The following EXTL3 variants were observed in gnomAD, a reference collection of about 807,000 sequenced individuals.
EXTL3 encodes the protein exostosin-like 3.
A neutral mutation model predicts 69.3 loss-of-function variants in EXTL3; 27 were observed. The ratio of observed to expected loss-of-function variants is 0.39; its 90% CI spans 0.29 to 0.54. The LOEUF is 0.54. Ranked by LOEUF, EXTL3 falls within the 20% of genes least tolerant of loss-of-function variation. The pLI is 0.69. For missense variants in EXTL3, 1,003 were observed against 1,231.8 expected (o/e 0.81, Z 2.78); for synonymous variants, 511 against 499.4 (o/e 1.02, Z -0.31).
At chr8:28,630,159 G>A (rs997322174) in intron 1 of EXTL3, among the ~76,000 whole-genome samples, 4 of 152,090 alleles carry the variant, frequency 2.6e-5, no homozygotes, top group Non-Finnish European at 5.9e-5. Flanking sequence ...TTGATACATG[G>A]GGGCAGGTTT....
chr8:28,698,616 G>A (rs529480646), upstream of EXTL3: 45 of 152,438 alleles, frequency 3.0e-4, no homozygotes, highest in African/African-American at 1.1e-3. Flanking sequence ...GGGAGGCCAA[G>A]ACAGGCTGAT....
intron 1 of EXTL3, among the ~76,000 whole-genome samples, chr8:28,694,889 T>C (rs1209890602): frequency 6.6e-6 from 1 of 152,056 alleles, no homozygotes; most frequent in East Asian, 1.9e-4. Context: ...GGCACATGCC[T>C]GTAATCCAGC....
At chr8:28,657,363 C>T (rs976022426) in intron 1 of EXTL3, among the ~76,000 whole-genome samples, 4 of 152,196 alleles carry the variant, frequency 2.6e-5, no homozygotes, top group Admixed American at 1.3e-4. Flanking sequence ...CACTGAGTAA[C>T]GCAGTCATCT....
At chr8:28,659,209 A>G (rs915456112) in intron 1 of EXTL3, among the ~76,000 whole-genome samples, 2 of 149,676 alleles carry the variant, frequency 1.3e-5, no homozygotes, top group African/African-American at 4.9e-5. Context: ...GGATTATTAC[A>G]TACTTCTTAT....
In EXTL3 at chr8:28,715,863, C is replaced by G. The variant is rs963762290; in HGVS notation, c.-197C>G. ...TTGGTCAACAGCCAGAACTTAAAAT[C>G]TGCTGGAATAGGGTCAGAGACCATT... On this transcript the variant is annotated 5_prime_UTR_variant, in exon 3 of 7. The change creates a new upstream start codon in the 5' untranslated region. Transcript: ENST00000220562. 1 of 587,584 alleles carries G rather than the reference C, an allele frequency of 1.7e-6. No homozygotes were observed. Among genetic ancestry groups the G allele is most frequent in the African/African-American group, 1.9e-5 (1 of 53,682 alleles). The allele number at this position is 587,584 out of a possible 1,614,324, so 36.4% of individuals were successfully genotyped here. A position where few individuals can be genotyped will look rare whatever the true frequency, so the allele number is the denominator to read the frequency against.
chr8:28,670,791 C>A (rs1807273806), intron 1 of EXTL3, among the ~76,000 whole-genome samples: 1 of 152,148 alleles, frequency 6.6e-6, no homozygotes, highest in Non-Finnish European at 1.5e-5. Context: ...TAACGTCTGA[C>A]CCAATGTTTG....
intron 1 of EXTL3, among the ~76,000 whole-genome samples, chr8:28,659,379 A>G (rs536568588): frequency 6.6e-6 from 1 of 152,304 alleles, no homozygotes; most frequent in South Asian, 2.1e-4. Context: ...GAGCATAAGA[A>G]CTACTACTGC....
At chr8:28,718,622 A>C in intron 3 of EXTL3, among the ~76,000 whole-genome samples, 1 of 152,202 alleles carries the variant, frequency 6.6e-6, no homozygotes, top group East Asian at 1.9e-4. Flanking sequence ...ATGGGAGCTG[A>C]AGCTTAGGTT....
rs997984760 is a variant in EXTL3, at chr8:28,716,586, G to T, written c.527G>T (p.Gly176Val). The change falls in exon 3 of 7, where the codon GGC becomes GTC. Residue 176 changes from glycine to valine, a missense_variant. By Grantham distance (109) the Gly-to-Val change is moderately radical (BLOSUM62 -3). Around this residue, in one of 2 missense-constraint regions of EXTL3, gnomAD observed 742 missense variants for 815.4 expected, o/e 0.91. Transcript: ENST00000220562. This position sits in a 1 kb window ranked among gnomAD's most constrained non-coding sequence, Gnocchi z 7.1. Reference protein sequence around the residue: ...AGLPPPKATRGCRLHNCFDYS... With the variant: ...AGLPPPKATRVCRLHNCFDYS... ...CTCCCTCCCCCGAAGGCCACTCGGG[G>T]CTGCCGGCTACACAACTGCTTTGAT... 8 of 1,614,068 alleles carry T rather than the reference G, an allele frequency of 5.0e-6. No individual in the cohort carries two copies. In the African/African-American group the frequency reaches 6.7e-5, roughly 13 times the overall value.
intron 1 of EXTL3, among the ~76,000 whole-genome samples, chr8:28,632,981 A>G (rs1433500960): frequency 1.3e-5 from 2 of 152,264 alleles, no homozygotes; most frequent in South Asian, 2.1e-4. Flanking sequence ...AATCTGGCCC[A>G]TTGTCTGTTT....
chr8:28,666,903 C>T (rs544450046), intron 1 of EXTL3, among the ~76,000 whole-genome samples: 6 of 152,270 alleles, frequency 3.9e-5, no homozygotes, highest in African/African-American at 1.4e-4. Context: ...AAATTGTATT[C>T]CAGTCCTCTC....
At chr8:28,661,743 G>A (rs1807119062) in intron 1 of EXTL3, among the ~76,000 whole-genome samples, 1 of 151,762 alleles carries the variant, frequency 6.6e-6, no homozygotes, top group Non-Finnish European at 1.5e-5. Context: ...AAATTAGCTG[G>A]TTGTGGTGGC....
chr8:28,729,633 A>G (rs777960228), intron 3 of EXTL3, among the ~76,000 whole-genome samples: 2 of 135,104 alleles, frequency 1.5e-5, no homozygotes, highest in Admixed American at 7.7e-5. Context: ...AGCATTTTCT[A>G]TGGTGGCTTT....
chr8:28,638,028 A>C (rs1169446514), intron 1 of EXTL3, among the ~76,000 whole-genome samples: 1 of 152,080 alleles, frequency 6.6e-6, no homozygotes, highest in Non-Finnish European at 1.5e-5. Flanking sequence ...GTCTTTGAGA[A>C]ATTCTCTTCT....
chr8:28,713,289 A>G (rs544001438), intron 1 of EXTL3, among the ~76,000 whole-genome samples, 168 bp from the exon 2 acceptor site: 1 of 152,262 alleles, frequency 6.6e-6, no homozygotes, highest in African/African-American at 2.4e-5. Flanking sequence ...TTCCACTTCA[A>G]AGAGTCTCTG....
chr8:28,653,993 A>G (rs1806967546), intron 1 of EXTL3, among the ~76,000 whole-genome samples: 1 of 152,226 alleles, frequency 6.6e-6, no homozygotes, highest in Non-Finnish European at 1.5e-5. Context: ...CATCCTAACA[A>G]TATTAAGTCT....
chr8:28,616,342 C>T lies in EXTL3; in HGVS notation n.314+8584C>T, dbSNP rs564590034. Among the ~76,000 whole-genome samples, 17 of 151,580 alleles carry T rather than the reference C, an allele frequency of 1.1e-4. No individual in the cohort carries two copies. In the East Asian group the frequency reaches 2.8e-3, roughly 25 times the overall value. On this transcript the variant is annotated intron_variant and non_coding_transcript_variant, in intron 2 of 4. Transcript: ENST00000522725. ...AGGCAGTCAGACATAAAAGCCAAAACGTTCCAGGCACAGTGGCTCACGCCT... is the reference window on the plus strand; with the variant it reads ...AGGCAGTCAGACATAAAAGCCAAAATGTTCCAGGCACAGTGGCTCACGCCT...
At chr8:28,673,135 C>T (rs1162441824) in intron 1 of EXTL3, among the ~76,000 whole-genome samples, 2 of 152,126 alleles carry the variant, frequency 1.3e-5, no homozygotes, top group Non-Finnish European at 2.9e-5. Context: ...TGAAAATGGA[C>T]TAATAGAGTA....
chr8:28,650,530 G>A (rs1233700983), intron 1 of EXTL3, among the ~76,000 whole-genome samples: 3 of 151,858 alleles, frequency 2.0e-5, no homozygotes, highest in Non-Finnish European at 4.4e-5. Context: ...GCTAATTTTT[G>A]TATTTGTAGT....
Sources: gnomAD v4.1 joint callset for allele counts (sites outside exome capture counted in the v4.1 genomes callset) on GRCh38, gnomAD v4.1.1 for gene constraint, gnomAD v4.1.1 regional missense constraint, Gnocchi (gnomAD v3.1) non-coding constraint, MANE v1.5 for transcripts, NCBI Gene and HGNC (gene_info 2026-07-23, HGNC 2026-07-21) for gene names.